The following CTNNA2 variants were observed in gnomAD, a reference collection of about 807,000 sequenced individuals.
CTNNA2 encodes catenin alpha 2, also known as catenin alpha-2.
Under a neutral mutation model 101.0 loss-of-function variants are expected in CTNNA2, and 42 were observed. The ratio of observed to expected loss-of-function variants is 0.42; its 90% CI spans 0.32 to 0.54. The LOEUF (loss-of-function observed/expected upper bound fraction) is 0.54, where lower values mean the gene tolerates loss of function less well. CTNNA2 is among the 20% of genes least tolerant of loss of function. CTNNA2 has a pLI of 0.14. For synonymous variants in CTNNA2, 450 were observed against 456.4 expected (o/e 0.99, Z 0.18); for missense variants, 871 against 1,223.1 (o/e 0.71, Z 4.29).
chr2:79,679,595 G>T (rs1374979358), intron 2 of CTNNA2, among the ~76,000 whole-genome samples: 1 of 151,994 alleles, frequency 6.6e-6, no homozygotes, highest in African/African-American at 2.4e-5. Flanking sequence ...CTGTGGTCCT[G>T]GCCTTCTGTT....
chr2:80,183,040 G>T (rs1705880910), intron 7 of CTNNA2, among the ~76,000 whole-genome samples: 1 of 152,134 alleles, frequency 6.6e-6, no homozygotes, highest in African/African-American at 2.4e-5. Context: ...ACTGCAAAAT[G>T]CTTGTCAATA....
chr2:79,428,901 C>T (rs1678621851), intron 4 of CTNNA2, among the ~76,000 whole-genome samples: 1 of 152,246 alleles, frequency 6.6e-6, no homozygotes, highest in African/African-American at 2.4e-5. Flanking sequence ...AGAGATCCAG[C>T]CTCTCAATGA....
chr2:80,576,729 A>T (rs2149708309), intron 13 of CTNNA2, among the ~76,000 whole-genome samples: 1 of 145,274 alleles, frequency 6.9e-6, no homozygotes, highest in African/African-American at 2.5e-5. Context: ...CAGGTGGATC[A>T]CCTGAGGTCG....
chr2:79,503,080 A>C (rs966657231), intron 4 of CTNNA2, among the ~76,000 whole-genome samples: 8 of 152,218 alleles, frequency 5.3e-5, no homozygotes, highest in Admixed American at 3.9e-4. Context: ...TGGGGAGACC[A>C]GGCAACCACC....
At chr2:80,310,105 T>C (rs1225091449) in intron 7 of CTNNA2, among the ~76,000 whole-genome samples, 2 of 152,182 alleles carry the variant, frequency 1.3e-5, no homozygotes, top group African/African-American at 4.8e-5. Context: ...AATTTTAACC[T>C]GAAATAAAAA....
At chr2:79,206,376 A>G (rs1282702812) in intron 2 of CTNNA2, among the ~76,000 whole-genome samples, 1 of 152,202 alleles carries the variant, frequency 6.6e-6, no homozygotes, top group African/African-American at 2.4e-5. Context: ...ATATATTTAA[A>G]TGTATTAACT....
intron 2 of CTNNA2, among the ~76,000 whole-genome samples, chr2:79,210,214 G>A (rs138334805): frequency 0.01 from 1,563 of 151,956 alleles, 13 homozygotes; most frequent in South Asian, 0.024. Flanking sequence ...TTCATTAGGT[G>A]CCCAAATAGT....
At chr2:79,835,823 G>C (rs1203202244) in intron 3 of CTNNA2, among the ~76,000 whole-genome samples, 2 of 151,734 alleles carry the variant, frequency 1.3e-5, no homozygotes, top group East Asian at 3.9e-4. Context: ...AGTAGAGACA[G>C]GGTTTCACCA....
intron 4 of CTNNA2, among the ~76,000 whole-genome samples, chr2:79,488,628 C>T (rs1339094476): frequency 6.6e-6 from 1 of 152,196 alleles, no homozygotes; most frequent in Non-Finnish European, 1.5e-5. Flanking sequence ...GTGACATTGA[C>T]TTCCTTCAGA....
chr2:80,436,789 C>T (rs1682079977), intron 9 of CTNNA2, among the ~76,000 whole-genome samples: 1 of 152,096 alleles, frequency 6.6e-6, no homozygotes, highest in Non-Finnish European at 1.5e-5. Flanking sequence ...TTTATAAGCG[C>T]ACCAATCCCA....
chr2:79,682,740 T>C (rs1240573127), intron 2 of CTNNA2, among the ~76,000 whole-genome samples: 1 of 152,198 alleles, frequency 6.6e-6, no homozygotes, highest in Non-Finnish European at 1.5e-5. Context: ...GTATTTTTTA[T>C]TTTTAGTGTA....
At chr2:79,984,193 C>T (rs530742148) in intron 7 of CTNNA2, among the ~76,000 whole-genome samples, 21 of 152,218 alleles carry the variant, frequency 1.4e-4, no homozygotes, top group African/African-American at 2.6e-4. Context: ...TTAATTGCCA[C>T]GGAATTTTCA....
intron 7 of CTNNA2, among the ~76,000 whole-genome samples, chr2:80,345,668 A>G (rs1450091775): frequency 6.6e-6 from 1 of 152,162 alleles, no homozygotes; most frequent in East Asian, 1.9e-4. Flanking sequence ...TAAAAAAAAA[A>G]AATTGAATGA....
intron 7 of CTNNA2, among the ~76,000 whole-genome samples, chr2:80,069,775 T>C (rs918389419): frequency 4.6e-5 from 7 of 152,202 alleles, no homozygotes; most frequent in African/African-American, 1.7e-4. Context: ...AGTCCTCCTT[T>C]CTGTAAATGG....
intron 9 of CTNNA2, among the ~76,000 whole-genome samples, chr2:80,478,754 T>C (rs563559922): frequency 4.6e-5 from 7 of 152,236 alleles, no homozygotes; most frequent in African/African-American, 1.7e-4. Flanking sequence ...TTTATACTAG[T>C]ATCAAGCTGT....
Position 79,667,202 on chromosome 2 carries a change from C to A in CTNNA2, c.102+15544C>A, listed in dbSNP as rs190549578. Among the ~76,000 whole-genome samples, 11 of 152,298 alleles carry A rather than the reference C, an allele frequency of 7.2e-5. No individual in the cohort carries two copies. The East Asian group carries it at 2.1e-3, about 29-fold the overall frequency. On this transcript the variant is annotated intron_variant, in intron 2 of 18. Transcript: ENST00000402739. ...CTATATCTGATTTACAATAGAGCAG[C>A]GCAAAATGTAGTAACTGGTGGCAGC...
intron 2 of CTNNA2, among the ~76,000 whole-genome samples, chr2:79,680,611 ACTACTAGGCCTC>A: frequency 6.6e-6 from 1 of 152,172 alleles, no homozygotes; most frequent in Non-Finnish European, 1.5e-5. Context: ...TACCAGAAAC[ACTACTAGGCCTC>A]ATGGAGGCCA....
intron 18 of CTNNA2, among the ~76,000 whole-genome samples, chr2:80,623,922 C>T (rs183197171): frequency 6.6e-6 from 1 of 151,982 alleles, no homozygotes; most frequent in South Asian, 2.1e-4. Context: ...GTAGTATAAG[C>T]ATATTCTCAA....
chr2:79,419,758 C>T (rs746986465), intron 4 of CTNNA2, among the ~76,000 whole-genome samples: 37 of 151,962 alleles, frequency 2.4e-4, no homozygotes, highest in Middle Eastern at 3.2e-3. Context: ...TAATAAATAG[C>T]GCAGTCAAAA....
Sources: allele counts gnomAD v4.1 joint callset (sites outside exome capture counted in the v4.1 genomes callset), GRCh38; gene constraint gnomAD v4.1.1; transcripts MANE v1.5; gene names NCBI Gene and HGNC (gene_info 2026-07-23, HGNC 2026-07-21).